The following LSAMP variants were observed in gnomAD, a reference collection of about 807,000 sequenced individuals.
LSAMP encodes limbic system associated membrane protein.
A neutral mutation model predicts 38.6 loss-of-function variants in LSAMP; 7 were observed. The observed-to-expected ratio is 0.18, with a 90% CI of 0.10 to 0.34. LSAMP has a LOEUF of 0.34. Among genes scored for constraint, LSAMP ranks in the 10% least tolerant of loss-of-function variants. The pLI is 1.00. For synonymous variants in LSAMP, 154 were observed against 166.8 expected, an observed-to-expected ratio of 0.92 and a Z score of 0.59; for missense variants, 313 against 420.0, an observed-to-expected ratio of 0.75 and a Z score of 2.23.
At chr3:115,895,833 G>C (rs1936715189) in intron 3 of LSAMP, among the ~76,000 whole-genome samples, 1 of 152,010 alleles carries the variant, frequency 6.6e-6, no homozygotes, top group South Asian at 2.1e-4. Flanking sequence ...TCTTTAAGTA[G>C]TAAAACATTT....
At position 116,296,346 on chromosome 3, in the gene LSAMP, A is replaced by G. The variant is rs574944537; in HGVS notation, c.155+148531T>C. Among the ~76,000 whole-genome samples, 5 of 152,186 alleles carry G rather than the reference A, an allele frequency of 3.3e-5. No homozygotes were observed. The South Asian group carries it at 1.0e-3, about 32-fold the overall frequency. On this transcript the variant is annotated intron_variant, in intron 1 of 6. Coordinates refer to ENST00000490035, the MANE Select transcript of LSAMP (RefSeq NM_002338.5). ...AGAACTATACTGTTTGACCACAGCAATATTTGCTTTGTTCAAGCAAGGGAG... is the reference window on the plus strand; with the variant it reads ...AGAACTATACTGTTTGACCACAGCAGTATTTGCTTTGTTCAAGCAAGGGAG...
At chr3:116,302,282 G>A (rs2047420894) in intron 1 of LSAMP, among the ~76,000 whole-genome samples, 2 of 152,148 alleles carry the variant, frequency 1.3e-5, no homozygotes, top group African/African-American at 4.8e-5. Context: ...TTGTATATAA[G>A]TAACTAACTT....
At chr3:116,245,436 C>T (rs571759555) in intron 1 of LSAMP, among the ~76,000 whole-genome samples, 2 of 152,086 alleles carry the variant, frequency 1.3e-5, no homozygotes, top group Non-Finnish European at 2.9e-5. Context: ...TTTCTTATTG[C>T]CCAAGGAGTG....
At chr3:116,058,136 T>C (rs1941525731) in intron 2 of LSAMP, among the ~76,000 whole-genome samples, 1 of 152,192 alleles carries the variant, frequency 6.6e-6, no homozygotes, top group Non-Finnish European at 1.5e-5. Context: ...TGAAGGCAGC[T>C]TTATTATGGA....
intron 1 of LSAMP, among the ~76,000 whole-genome samples, chr3:116,258,429 T>C (rs2046783529): frequency 6.6e-6 from 1 of 152,096 alleles, no homozygotes; most frequent in Non-Finnish European, 1.5e-5. Flanking sequence ...TTTTAAAAAT[T>C]AATGCTAGGC....
At chr3:116,194,429 C>T (rs1202125688) in intron 1 of LSAMP, among the ~76,000 whole-genome samples, 1 of 152,186 alleles carries the variant, frequency 6.6e-6, no homozygotes, top group Non-Finnish European at 1.5e-5. Flanking sequence ...GAGTCTCGCT[C>T]TGTCGCCCAG....
intron 1 of LSAMP, among the ~76,000 whole-genome samples, chr3:116,223,869 G>A (rs1277253835): frequency 6.6e-6 from 1 of 151,932 alleles, no homozygotes; most frequent in African/African-American, 2.4e-5. Flanking sequence ...ATATAGAGAA[G>A]ATTGTATAAC....
intron 1 of LSAMP, among the ~76,000 whole-genome samples, chr3:116,124,600 CA>C (rs1264828375): frequency 2.6e-5 from 4 of 152,108 alleles, no homozygotes; most frequent in Non-Finnish European, 5.9e-5. Context: ...AAGTAAATTA[CA>C]GTTTGGGAAA....
At chr3:115,960,962 A>G (rs748470228) in intron 3 of LSAMP, among the ~76,000 whole-genome samples, 24 of 152,178 alleles carry the variant, frequency 1.6e-4, no homozygotes, top group Non-Finnish European at 2.2e-4. Context: ...CGCCTGCAGT[A>G]ATATCTCCCC....
intron 3 of LSAMP, among the ~76,000 whole-genome samples, chr3:115,923,353 A>G (rs1937425934): frequency 6.6e-6 from 1 of 152,156 alleles, no homozygotes; most frequent in African/African-American, 2.4e-5. Flanking sequence ...ATGCATATAA[A>G]ATGAAATTCT....
At chr3:116,016,064 C>T (rs1940472994) in intron 3 of LSAMP, among the ~76,000 whole-genome samples, 1 of 151,752 alleles carries the variant, frequency 6.6e-6, no homozygotes, top group Admixed American at 6.6e-5. Context: ...GCTTTGCTGT[C>T]ACACAGGGAG....
chr3:116,444,208 T>C (rs1486892585), intron 1 of LSAMP, among the ~76,000 whole-genome samples: 1 of 152,146 alleles, frequency 6.6e-6, no homozygotes, highest in Non-Finnish European at 1.5e-5. Context: ...GCTCTTCATA[T>C]CTTGTGTTGA....
chr3:116,007,489 A>G (rs1443898958), intron 3 of LSAMP, among the ~76,000 whole-genome samples: 1 of 152,152 alleles, frequency 6.6e-6, no homozygotes, highest in Non-Finnish European at 1.5e-5. Context: ...AGGATTTCAG[A>G]AATGTGTGCA....
At position 115,809,477 on chromosome 3, in the gene LSAMP, A is replaced by G. The variant is rs1933737449; in HGVS notation, c.*840T>C. On this transcript the variant is annotated 3_prime_UTR_variant, in exon 7 of 7. Coordinates refer to ENST00000490035, the MANE Select transcript of LSAMP (RefSeq NM_002338.5). ...ACAATTACAATGCAGGACAGTATCT[A>G]CAGCACAATGAGTCTATGTACACAT... The G allele has an allele frequency of 6.6e-6, 1 of 152,494 alleles. No individual in the cohort carries two copies. The highest frequency in any genetic ancestry group is 1.5e-5 in the Non-Finnish European group (1 of 68,268). The allele number at this position is 152,494 out of a possible 1,614,324, so 9.4% of individuals were successfully genotyped here.
intron 1 of LSAMP, among the ~76,000 whole-genome samples, chr3:116,336,068 G>A (rs369679037): frequency 4.0e-4 from 61 of 152,038 alleles, no homozygotes; most frequent in Middle Eastern, 3.4e-3. Flanking sequence ...ACATGCAAAA[G>A]AATGAAATTG....
At chr3:116,158,675 A>G (rs1446119701) in intron 1 of LSAMP, among the ~76,000 whole-genome samples, 1 of 152,132 alleles carries the variant, frequency 6.6e-6, no homozygotes, top group Non-Finnish European at 1.5e-5. Context: ...AACAATTACA[A>G]AGCACAACTC....
intron 3 of LSAMP, among the ~76,000 whole-genome samples, chr3:115,959,418 T>C (rs374680785): frequency 1.4e-3 from 212 of 152,332 alleles, no homozygotes; most frequent in African/African-American, 4.0e-3. Flanking sequence ...TCTTTTCTTA[T>C]ATGTTGTAAA....
chr3:116,269,588 C>CTTAT (rs1296023145), intron 1 of LSAMP, among the ~76,000 whole-genome samples: 1 of 151,778 alleles, frequency 6.6e-6, no homozygotes, highest in East Asian at 1.9e-4. Context: ...TAACATTGGG[C>CTTAT]TTATTTCATT....
At chr3:115,857,653 T>C (rs1300113414) in intron 3 of LSAMP, among the ~76,000 whole-genome samples, 1 of 152,226 alleles carries the variant, frequency 6.6e-6, no homozygotes, top group Non-Finnish European at 1.5e-5. Flanking sequence ...AATCTCCCTT[T>C]GCTTAATGTG....
Sources: gnomAD v4.1 joint callset for allele counts (sites outside exome capture counted in the v4.1 genomes callset) on GRCh38, gnomAD v4.1.1 for gene constraint, MANE v1.5 for transcripts, NCBI Gene and HGNC (gene_info 2026-07-23, HGNC 2026-07-21) for gene names.